The following SYT1 variants were observed in gnomAD, a reference collection of about 807,000 sequenced individuals.
The protein encoded by SYT1 is synaptotagmin-1.
Under a neutral mutation model 44.8 loss-of-function variants are expected in SYT1, and 8 were observed. The observed-to-expected ratio is 0.18, with a 90% CI of 0.10 to 0.32. SYT1 has a LOEUF of 0.32. SYT1 is among the 10% of genes least tolerant of loss of function. The pLI, the probability that SYT1 is intolerant of heterozygous loss-of-function variation, is 1.00. For synonymous variants in SYT1, 154 were observed against 188.8 expected (o/e 0.82, Z 1.51); for missense variants, 286 against 509.3 (o/e 0.56, Z 4.22).
intron 3 of SYT1, among the ~76,000 whole-genome samples, chr12:79,208,505 A>G (rs530546791): frequency 2.5e-4 from 38 of 152,370 alleles, no homozygotes; most frequent in Admixed American, 1.2e-3. Flanking sequence ...AGGAAGGGTT[A>G]TAAGAGGAAA....
chr12:79,345,858 T>C (rs1349356125), intron 8 of SYT1, among the ~76,000 whole-genome samples: 1 of 152,246 alleles, frequency 6.6e-6, no homozygotes, highest in East Asian at 1.9e-4. Flanking sequence ...ATGCAAATGG[T>C]CTGAATTTTC....
At chr12:79,010,483 C>T (rs879878642) in intron 2 of SYT1, among the ~76,000 whole-genome samples, 1 of 152,022 alleles carries the variant, frequency 6.6e-6, no homozygotes, top group Non-Finnish European at 1.5e-5. Context: ...TGATGAAGAC[C>T]GCACCTCTTT....
chr12:79,355,039 T>C (rs1322097150), intron 9 of SYT1, among the ~76,000 whole-genome samples: 1 of 152,094 alleles, frequency 6.6e-6, no homozygotes, highest in African/African-American at 2.4e-5. Context: ...CCTGGCTTCT[T>C]CCGGGGTCCC....
intron 3 of SYT1, among the ~76,000 whole-genome samples, chr12:79,115,041 T>C (rs1879204695): frequency 1.3e-5 from 2 of 152,194 alleles, no homozygotes; most frequent in South Asian, 4.1e-4. Flanking sequence ...CTTTTCTCTT[T>C]AAAGTTGAAA....
intron 4 of SYT1, among the ~76,000 whole-genome samples, chr12:79,248,309 T>C (rs1388195892): frequency 1.3e-5 from 2 of 152,102 alleles, no homozygotes; most frequent in African/African-American, 2.4e-5. Context: ...AATAAAAATA[T>C]ATTAGAAAAA....
chr12:78,962,047 G>T (rs575239925), intron 1 of SYT1, among the ~76,000 whole-genome samples: 1 of 151,942 alleles, frequency 6.6e-6, no homozygotes, highest in African/African-American at 2.4e-5. Context: ...GTTTCTTCTC[G>T]TTTTTGTTTT....
At chr12:79,179,079 T>C (rs866245851) in intron 3 of SYT1, among the ~76,000 whole-genome samples, 4 of 123,196 alleles carry the variant, frequency 3.2e-5, no homozygotes, top group African/African-American at 1.4e-4. Context: ...TATATAGATA[T>C]AGATATAGAT....
chr12:79,386,606 C>T (rs1884445268), intron 9 of SYT1, among the ~76,000 whole-genome samples: 1 of 152,138 alleles, frequency 6.6e-6, no homozygotes, highest in Admixed American at 6.5e-5. Flanking sequence ...TATGAACTAT[C>T]TTCCATGCTT....
chr12:78,979,097 A>G (rs1869058563), intron 2 of SYT1, among the ~76,000 whole-genome samples: 1 of 151,996 alleles, frequency 6.6e-6, no homozygotes, highest in South Asian at 2.1e-4. Context: ...CTTTACATGG[A>G]TTTCTTTTTA....
At chr12:79,121,042 T>C (rs1225453084) in intron 3 of SYT1, among the ~76,000 whole-genome samples, 6 of 152,054 alleles carry the variant, frequency 3.9e-5, no homozygotes, top group African/African-American at 9.7e-5. Flanking sequence ...TATGTATATA[T>C]ATGCATATGT....
intron 8 of SYT1, among the ~76,000 whole-genome samples, chr12:79,332,893 T>C (rs1168359021): frequency 1.3e-5 from 2 of 152,238 alleles, no homozygotes; most frequent in Non-Finnish European, 2.9e-5. Context: ...AAAAAGATTT[T>C]GTTTCTATTA....
chr12:78,869,215 A>G (rs1873695731), intron 1 of SYT1, among the ~76,000 whole-genome samples: 1 of 151,948 alleles, frequency 6.6e-6, no homozygotes, highest in African/African-American at 2.4e-5. Flanking sequence ...CATTTCCAAA[A>G]AAAAAGATAA....
At chr12:79,047,085 A>G (rs1874125041) in intron 2 of SYT1, among the ~76,000 whole-genome samples, 1 of 151,736 alleles carries the variant, frequency 6.6e-6, no homozygotes, top group African/African-American at 2.4e-5. Flanking sequence ...CTATCCACAG[A>G]CTCTCAATCT....
chr12:79,416,563 G>A (rs771947515), intron 9 of SYT1, among the ~76,000 whole-genome samples: 2 of 152,062 alleles, frequency 1.3e-5, no homozygotes, highest in African/African-American at 2.4e-5. Flanking sequence ...GCGAGCATTG[G>A]TAATTTAGTT....
chr12:79,146,934 G>A (rs759861257), intron 3 of SYT1, among the ~76,000 whole-genome samples: 10 of 152,034 alleles, frequency 6.6e-5, no homozygotes, highest in Non-Finnish European at 1.2e-4. Context: ...TCTGCTTCCC[G>A]GGTTCAGGCC....
intron 4 of SYT1, among the ~76,000 whole-genome samples, chr12:79,263,260 T>C (rs962681721): frequency 1.4e-5 from 2 of 144,002 alleles, no homozygotes; most frequent in African/African-American, 5.2e-5. Context: ...TTAAGATCCT[T>C]CTTCTGGTGA....
chr12:79,139,650 TC>T (rs1869433556), intron 3 of SYT1, among the ~76,000 whole-genome samples: 2 of 152,222 alleles, frequency 1.3e-5, no homozygotes, highest in South Asian at 4.1e-4. Context: ...TAATACCTAT[TC>T]CCAAATATTT....
chr12:79,241,549 A>T (rs1876514612), intron 4 of SYT1, among the ~76,000 whole-genome samples: 2 of 152,138 alleles, frequency 1.3e-5, no homozygotes, highest in South Asian at 4.1e-4. Context: ...ATGAGCCACC[A>T]TGTCCAGCCT....
intron 4 of SYT1, among the ~76,000 whole-genome samples, chr12:79,233,567 G>A (rs1460414541): frequency 6.6e-6 from 1 of 152,192 alleles, no homozygotes; most frequent in Non-Finnish European, 1.5e-5. Context: ...CTTCCACGTG[G>A]CCTGGACAGC....
Sources: gnomAD v4.1 joint callset for allele counts (sites outside exome capture counted in the v4.1 genomes callset) on GRCh38, gnomAD v4.1.1 for gene constraint, MANE v1.5 for transcripts, NCBI Gene and HGNC (gene_info 2026-07-23, HGNC 2026-07-21) for gene names.